CELF1: variants seen among roughly 807,000 people sequenced by gnomAD.
CELF1 encodes the protein CUGBP Elav-like family member 1.
Under a neutral mutation model 61.8 loss-of-function variants are expected in CELF1, and 10 were observed. The observed-to-expected ratio is 0.16, with a 90% CI of 0.10 to 0.27. The LOEUF is 0.27. Among genes scored for constraint, CELF1 ranks in the 10% least tolerant of loss-of-function variants. CELF1 has a pLI of 1.00. For missense variants in CELF1, 380 were observed against 639.1 expected (o/e 0.59, Z 4.37); for synonymous variants, 236 against 225.1 (o/e 1.05, Z -0.43).
At chr11:47,552,182 T>G (rs1172728860) in intron 1 of CELF1, among the ~76,000 whole-genome samples, 1 of 152,200 alleles carries the variant, frequency 6.6e-6, no homozygotes, top group Non-Finnish European at 1.5e-5. Context: ...GATTCCATTT[T>G]GCGGAAACAG....
rs575774850 is a variant in CELF1 at position 47,549,339 on chromosome 11, A to G, written c.-154+3653T>C. 1.2e-4 allele frequency among the ~76,000 whole-genome samples: 19 copies of G among 152,334 alleles called. No homozygotes were observed. In the East Asian group the frequency reaches 2.9e-3, roughly 23 times the overall value. On this transcript the variant is annotated intron_variant, in intron 1 of 14. Transcript: ENST00000687097. ...GGGGTATATATCCAAAACAACTGAT[A>G]TTGTTCCAGAGGCTGGAATACCTAT...
chr11:47,517,016 T>C (rs752530011), intron 1 of CELF1, among the ~76,000 whole-genome samples: 7 of 152,088 alleles, frequency 4.6e-5, no homozygotes, highest in South Asian at 4.1e-4. Context: ...TCTCAGCACT[T>C]TGGGAGGACT....
chr11:47,522,226 T>C (rs2095950745), intron 1 of CELF1, among the ~76,000 whole-genome samples: 1 of 151,504 alleles, frequency 6.6e-6, no homozygotes, highest in Non-Finnish European at 1.5e-5. Flanking sequence ...ATTTTTTTTA[T>C]CATTAACACT....
At chr11:47,542,496 A>ATT (rs112443041) in intron 1 of CELF1, among the ~76,000 whole-genome samples, 46 of 121,820 alleles carry the variant, frequency 3.8e-4, no homozygotes, top group African/African-American at 4.9e-4. Flanking sequence ...TACTTTCTCC[A>ATT]TTTTTTTTTT....
chr11:47,507,960 CAA>C (rs1196446838), intron 1 of CELF1, among the ~76,000 whole-genome samples: 3 of 151,996 alleles, frequency 2.0e-5, no homozygotes, highest in Admixed American at 2.0e-4. Flanking sequence ...CCTCTACCAT[CAA>C]AAGTTACCAA....
At chr11:47,499,380 C>A in intron 3 of CELF1, 73 bp downstream of exon 3, 3 of 1,224,928 alleles carry the variant, frequency 2.4e-6, no homozygotes, top group Non-Finnish European at 2.3e-6. Flanking sequence ...AAAAAAGGAA[C>A]CAATTTCATC....
rs1014692437 is a variant in CELF1, at chr11:47,475,661, A to G, written c.1088-140T>C. The G allele has an allele frequency of 5.1e-6, 4 of 777,086 alleles. No individual in the cohort carries two copies. The African/African-American group carries it at 7.0e-5, about 14-fold the overall frequency. 48.1% of individuals were successfully genotyped at this position (777,086 alleles called of 1,614,324 possible). A position where few individuals can be genotyped will look rare whatever the true frequency, so the allele number is the denominator to read the frequency against. ...CCTCTTAGTTTCTCCCTGAGAAGAA[A>G]CTATCTGACTGGCTAGATTTCAGGA... On this transcript the variant is annotated intron_variant, in intron 12 of 14. Transcript: ENST00000687097.
chr11:47,538,754 C>T (rs2096700570), intron 1 of CELF1, among the ~76,000 whole-genome samples: 1 of 151,946 alleles, frequency 6.6e-6, no homozygotes, highest in Admixed American at 6.6e-5. Flanking sequence ...AGTCTTTCAA[C>T]CTAACAAACC....
At chr11:47,515,075 A>G (rs754321830) in intron 1 of CELF1, among the ~76,000 whole-genome samples, 19 of 152,208 alleles carry the variant, frequency 1.2e-4, no homozygotes, top group Non-Finnish European at 2.2e-4. Flanking sequence ...AAATTGCTGG[A>G]TGCAGCAGTA....
At chr11:47,541,710 G>GA (rs1463471110) in intron 1 of CELF1, among the ~76,000 whole-genome samples, 1 of 4,930 alleles carries the variant, frequency 2.0e-4, no homozygotes, top group African/African-American at 5.1e-4. Flanking sequence ...AAGAAAGAAA[G>GA]AAAGAAAGAA....
At chr11:47,523,340 G>A (rs992289061) in intron 1 of CELF1, 15 of 152,104 alleles carry the variant, frequency 9.9e-5, no homozygotes, top group African/African-American at 3.6e-4. Context: ...TAGTATAAAT[G>A]GGAAAACATT....
At position 47,476,617 on chromosome 11, in the gene CELF1, G is replaced by A. The variant is rs144836534; in HGVS notation, c.1087+229C>T. On this transcript the variant is annotated intron_variant, in intron 12 of 14. Transcript: ENST00000687097. ...ATTTTTTTGTATTTTTAGGGGAGAC[G>A]GGGTTTCACCGTGTTAGCCAGAATG... Among the ~76,000 whole-genome samples the A allele has an allele frequency of 9.2e-5, 14 of 152,156 alleles. No homozygotes were observed. The East Asian group carries it at 2.3e-3, about 25-fold the overall frequency.
intron 1 of CELF1, among the ~76,000 whole-genome samples, chr11:47,536,544 A>G (rs909787820): frequency 2.0e-5 from 3 of 151,938 alleles, no homozygotes; most frequent in Admixed American, 2.0e-4. Flanking sequence ...AGATTACCTG[A>G]GGTCAGGTGG....
intron 1 of CELF1, among the ~76,000 whole-genome samples, chr11:47,511,105 T>C (rs1038825075): frequency 2.0e-5 from 3 of 152,086 alleles, no homozygotes; most frequent in Non-Finnish European, 4.4e-5. Flanking sequence ...GAGGATTGCT[T>C]GAGCCCAGAG....
At chr11:47,555,563 G>A (rs1373026368), upstream of CELF1, among the ~76,000 whole-genome samples, 2 of 152,094 alleles carry the variant, frequency 1.3e-5, no homozygotes, top group Non-Finnish European at 2.9e-5. Flanking sequence ...AACACAAATA[G>A]ATCTTGTAAC....
chr11:47,482,915 T>A (rs1047991366), intron 8 of CELF1, 59 bp from the exon 9 acceptor site: 1 of 1,519,806 alleles, frequency 6.6e-7, no homozygotes, highest in African/African-American at 1.4e-5. Context: ...AGAAAAAAAA[T>A]CTTCCTTTTG....
intron 1 of CELF1, among the ~76,000 whole-genome samples, chr11:47,525,628 C>T (rs572395805): frequency 2.0e-5 from 3 of 152,202 alleles, no homozygotes; most frequent in South Asian, 2.1e-4. Flanking sequence ...TGTATTTATT[C>T]GGTATCATAG....
chr11:47,514,489 G>A (rs918631924), intron 1 of CELF1, among the ~76,000 whole-genome samples: 2 of 151,930 alleles, frequency 1.3e-5, no homozygotes, highest in Non-Finnish European at 2.9e-5. Context: ...ACCAGAGGTC[G>A]TCTCACCTGA....
chr11:47,557,117 C>T (rs983023550), upstream of CELF1, among the ~76,000 whole-genome samples: 5 of 151,980 alleles, frequency 3.3e-5, no homozygotes, highest in Non-Finnish European at 7.4e-5. Context: ...TCAGGTTGGC[C>T]TTGAACTCCT....
Sources: gnomAD v4.1 joint callset for allele counts (sites outside exome capture counted in the v4.1 genomes callset) on GRCh38, gnomAD v4.1.1 for gene constraint, MANE v1.5 for transcripts, NCBI Gene and HGNC (gene_info 2026-07-23, HGNC 2026-07-21) for gene names.